Variants in POFUT3 observed in about 807,000 individuals in gnomAD.
POFUT3 encodes the protein protein O-fucosyltransferase 3, also known as GDP-fucose protein O-fucosyltransferase 3.
chr8:33,428,816 A>G, the POFUT3 span, among the ~76,000 whole-genome samples: 12 of 152,306 alleles, frequency 7.9e-5, no homozygotes, highest in East Asian at 2.3e-3. Flanking sequence ...ACATAGCAAG[A>G]AGGACCTCGC....
At chr8:33,318,796 T>TAA in the POFUT3 span, among the ~76,000 whole-genome samples, 100 of 40,488 alleles carry the variant, frequency 2.5e-3, 1 homozygote, top group East Asian at 0.03. Flanking sequence ...ATATAATATA[T>TAA]ATATATTTTA....
the POFUT3 span, among the ~76,000 whole-genome samples, chr8:33,337,742 G>C: frequency 6.6e-6 from 1 of 152,272 alleles, no homozygotes; most frequent in South Asian, 2.1e-4. Context: ...TGTCAACATT[G>C]AATCATGAAG....
At chr8:33,360,983 G>C in the POFUT3 span, 4 of 152,196 alleles carry the variant, frequency 2.6e-5, no homozygotes, top group Admixed American at 2.6e-4. Context: ...ATGAAACTTT[G>C]ATACTTCAAG....
the POFUT3 span, among the ~76,000 whole-genome samples, chr8:33,384,546 G>A: frequency 2.6e-5 from 4 of 152,144 alleles, no homozygotes; most frequent in Admixed American, 6.5e-5. Flanking sequence ...CAGGCCGGGC[G>A]TGGTGGCTCA....
the POFUT3 span, among the ~76,000 whole-genome samples, chr8:33,379,718 C>T: frequency 6.6e-6 from 1 of 150,530 alleles, no homozygotes; most frequent in Non-Finnish European, 1.5e-5. Context: ...AACCTGTAGT[C>T]CCAGCTAGTC....
chr8:33,309,162 AAAAAAATAT>A, the POFUT3 span, among the ~76,000 whole-genome samples: 2 of 52,468 alleles, frequency 3.8e-5, no homozygotes. Context: ...AAAAAAAAAA[AAAAAAATAT>A]ATATATATAT....
the POFUT3 span, among the ~76,000 whole-genome samples, chr8:33,352,373 C>T: frequency 1.3e-5 from 2 of 152,164 alleles, no homozygotes; most frequent in Non-Finnish European, 2.9e-5. Flanking sequence ...TTTATTTCCC[C>T]GTGCAATGAT....
chr8:33,329,379 G>A, the POFUT3 span, among the ~76,000 whole-genome samples: 1 of 152,200 alleles, frequency 6.6e-6, no homozygotes, highest in Non-Finnish European at 1.5e-5. Flanking sequence ...CTAAGCACTA[G>A]CAGAATTTTC....
chr8:33,356,989 C>G, the POFUT3 span, among the ~76,000 whole-genome samples: 5 of 151,956 alleles, frequency 3.3e-5, no homozygotes, highest in Admixed American at 2.6e-4. Context: ...TGTAGATATG[C>G]AGTGTTATTT....
At chr8:33,456,844 C>T in the POFUT3 span, among the ~76,000 whole-genome samples, 3 of 149,588 alleles carry the variant, frequency 2.0e-5, no homozygotes, top group Admixed American at 2.0e-4. Context: ...TCTCGGCTCA[C>T]TGCAACCTCC....
the POFUT3 span, among the ~76,000 whole-genome samples, chr8:33,377,301 T>C: frequency 6.6e-6 from 1 of 151,986 alleles, no homozygotes; most frequent in South Asian, 2.1e-4. Context: ...AATGTTCTGT[T>C]TATCTTTTGT....
chr8:33,442,957 GC>G, the POFUT3 span, among the ~76,000 whole-genome samples: 2 of 152,044 alleles, frequency 1.3e-5, no homozygotes, highest in African/African-American at 4.8e-5. Context: ...CTAATAAAAT[GC>G]AAAAATTAGC....
At chr8:33,412,143 A>C in the POFUT3 span, among the ~76,000 whole-genome samples, 5 of 152,202 alleles carry the variant, frequency 3.3e-5, no homozygotes, top group Non-Finnish European at 7.4e-5. Flanking sequence ...CTTTAGTCTA[A>C]AGAACTGGGA....
At chr8:33,406,717 C>T in the POFUT3 span, among the ~76,000 whole-genome samples, 1 of 151,964 alleles carries the variant, frequency 6.6e-6, no homozygotes, top group South Asian at 2.1e-4. Context: ...AGGTATGCAC[C>T]ACCACATCCA....
At chr8:33,315,133 G>A in the POFUT3 span, among the ~76,000 whole-genome samples, 1 of 152,164 alleles carries the variant, frequency 6.6e-6, no homozygotes, top group Non-Finnish European at 1.5e-5. Flanking sequence ...CAAGGGCAAC[G>A]TGATTCAGAC....
At chr8:33,437,697 GCTA>G in the POFUT3 span, among the ~76,000 whole-genome samples, 1 of 152,184 alleles carries the variant, frequency 6.6e-6, no homozygotes, top group Non-Finnish European at 1.5e-5. Context: ...TGTAGTCCCA[GCTA>G]CTTGGGAGGC....
chr8:33,384,305 G>C, the POFUT3 span, among the ~76,000 whole-genome samples: 5,847 of 152,258 alleles, frequency 0.038, 363 homozygotes, highest in African/African-American at 0.13. Flanking sequence ...TTGAAGACCT[G>C]ATCTACCAGC....
At chr8:33,373,431 C>A in the POFUT3 span, among the ~76,000 whole-genome samples, 1 of 152,162 alleles carries the variant, frequency 6.6e-6, no homozygotes, top group African/African-American at 2.4e-5. Flanking sequence ...TTCCACCCAA[C>A]AATAATGGTA....
chr8:33,354,478 G>A, the POFUT3 span, among the ~76,000 whole-genome samples: 3 of 152,216 alleles, frequency 2.0e-5, no homozygotes, highest in Admixed American at 6.5e-5. Flanking sequence ...GAAGGCAGAA[G>A]ATGGATGTTC....
Sources: allele counts gnomAD v4.1 joint callset (sites outside exome capture counted in the v4.1 genomes callset), GRCh38; gene constraint gnomAD v4.1.1; transcripts MANE v1.5; gene names NCBI Gene and HGNC (gene_info 2026-07-23, HGNC 2026-07-21).